The following IQCH variants were observed in gnomAD, a reference collection of about 807,000 sequenced individuals.
The protein encoded by IQCH is IQ motif containing H.
A neutral mutation model predicts 117.0 loss-of-function variants in IQCH; 98 were observed. That is an observed-to-expected ratio of 0.84 (90% CI 0.71 to 0.99). IQCH has a LOEUF of 0.99. IQCH is among the 50% of genes least tolerant of loss of function. The pLI is 0.00. For synonymous variants in IQCH, 412 were observed against 448.2 expected, an observed-to-expected ratio of 0.92 and a Z score of 1.02; for missense variants, 1,102 against 1,243.8, an observed-to-expected ratio of 0.89 and a Z score of 1.72.
intron 7 of IQCH, among the ~76,000 whole-genome samples, chr15:67,358,320 G>A (rs1969997248): frequency 6.9e-6 from 1 of 144,344 alleles, no homozygotes; most frequent in Non-Finnish European, 1.5e-5. Flanking sequence ...TTAGCCTCCC[G>A]AGTAGCTGAG....
At position 67,372,597 on chromosome 15, in the gene IQCH, C is replaced by T. The variant is rs754933628; in HGVS notation, c.1240C>T (p.Arg414Ter). 6 of 1,613,794 alleles carry T rather than the reference C, an allele frequency of 3.7e-6. No individual in the cohort carries two copies. Among genetic ancestry groups the T allele is most frequent in the Admixed American group, 1.7e-5 (1 of 59,972 alleles). Reference protein sequence around the residue: ...IAWLLYCHKTRLKKILKESRQ... With the variant: ...IAWLLYCHKT ...TTGGCTGTTATATTGCCATAAGACT[C>T]GACTAAAGAAGATACTAAAGGAATC... Residue 414 changes from arginine (R) to a stop codon, truncating the protein, a stop_gained, in exon 9 of 21, where the codon CGA (arginine) becomes TGA (stop). Coordinates refer to ENST00000335894, the MANE Select transcript of IQCH (RefSeq NM_001031715.3). LOFTEE classifies it high-confidence loss of function.
chr15:67,268,109 CTT>C (rs989899270), intron 3 of IQCH, among the ~76,000 whole-genome samples: 9 of 152,184 alleles, frequency 5.9e-5, no homozygotes, highest in African/African-American at 2.2e-4. Flanking sequence ...ACCTAGCACT[CTT>C]TTGCTCCATA....
chr15:67,279,250 A>G (rs530728195), intron 3 of IQCH, 145 bp from the exon 4 acceptor site: 3 of 564,512 alleles, frequency 5.3e-6, no homozygotes, highest in African/African-American at 3.9e-5. Flanking sequence ...CAAAAATAAT[A>G]AAGATTGGTT....
rs531822201 is a variant in IQCH at position 67,433,018 on chromosome 15, G to T, written c.2505+11441G>T. Reference sequence around the variant, plus strand: ...TTATTTATATGGAAGAAGGCTAACAGAGTATATCTAAATTAAAATGTAATA... The same window carrying T: ...TTATTTATATGGAAGAAGGCTAACATAGTATATCTAAATTAAAATGTAATA... On this transcript the variant is annotated intron_variant, in intron 16 of 20. Coordinates refer to ENST00000335894, the MANE Select transcript of IQCH (RefSeq NM_001031715.3). This position sits in a 1 kb window ranked among gnomAD's most constrained non-coding sequence, Gnocchi z 5.4. 8.2e-4 allele frequency among the ~76,000 whole-genome samples: 125 copies of T among 152,276 alleles called. No homozygotes were observed. Among genetic ancestry groups the T allele is most frequent in the Non-Finnish European group, 5.0e-4 (34 of 68,026 alleles).
rs1216477278 is a variant in IQCH, at chr15:67,405,964, G to C, written c.2097+5659G>C. The C allele has an allele frequency of 6.6e-6, 1 of 152,222 alleles. No individual in the cohort carries two copies. Among genetic ancestry groups the C allele is most frequent in the Non-Finnish European group, 1.5e-5 (1 of 68,064 alleles). 9.4% of individuals were successfully genotyped at this position (152,222 alleles called of 1,614,324 possible). A position where few individuals can be genotyped will look rare whatever the true frequency, so the allele number is the denominator to read the frequency against. On this transcript the variant is annotated intron_variant, in intron 14 of 20. Coordinates refer to ENST00000335894, the MANE Select transcript of IQCH (RefSeq NM_001031715.3). This position sits in a 1 kb window ranked among gnomAD's most constrained non-coding sequence, Gnocchi z 4.8. ...GGGCCATCAATACACACACCTCAGA[G>C]CTGGAGAGGAGGAGCCCTGCCTAGG...
At chr15:67,444,655 G>A (rs1345888931) in intron 16 of IQCH, among the ~76,000 whole-genome samples, 2 of 151,982 alleles carry the variant, frequency 1.3e-5, no homozygotes, top group African/African-American at 4.8e-5. Flanking sequence ...ATCTATTATG[G>A]GTTTTATCTT....
intron 4 of IQCH, among the ~76,000 whole-genome samples, chr15:67,319,159 G>A (rs562299733): frequency 2.1e-4 from 32 of 152,228 alleles, no homozygotes; most frequent in Admixed American, 4.6e-4. Context: ...TCCGGGAGGC[G>A]GAGCTTGCAG....
At chr15:67,345,039 G>C (rs1596226051) in intron 6 of IQCH, among the ~76,000 whole-genome samples, 1 of 152,108 alleles carries the variant, frequency 6.6e-6, no homozygotes, top group African/African-American at 2.4e-5. Flanking sequence ...GCCCAGACTA[G>C]AGTGCAATGG....
In IQCH at chr15:67,476,769, C is replaced by T. The variant is rs1300780236; in HGVS notation, c.2799+951C>T. ...TACTTTGATTCAGATTTTCAAGTCT[C>T]TCACACGCAGGGCCATTCTAAGACC... is the stretch of plus-strand genomic sequence containing the variant. On this transcript the variant is annotated intron_variant, in intron 18 of 20. Coordinates refer to ENST00000335894, the MANE Select transcript of IQCH (RefSeq NM_001031715.3). The surrounding 1 kb of genome is among the most constrained non-coding windows in gnomAD (Gnocchi z 4.1). Among the ~76,000 whole-genome samples the T allele has an allele frequency of 1.3e-5, 2 of 152,128 alleles. No homozygotes were observed. The highest frequency in any genetic ancestry group is 2.4e-5 in the African/African-American group (1 of 41,420).
At chr15:67,487,276 T>C (rs545077464) in intron 18 of IQCH, among the ~76,000 whole-genome samples, 124 of 152,260 alleles carry the variant, frequency 8.1e-4, no homozygotes, top group Non-Finnish European at 5.0e-4. Context: ...GAGGTTGCAG[T>C]GAGCCAAGAT....
intron 6 of IQCH, among the ~76,000 whole-genome samples, chr15:67,353,736 C>T (rs1334867976): frequency 1.3e-5 from 2 of 151,842 alleles, no homozygotes; most frequent in Non-Finnish European, 2.9e-5. Context: ...AGAAGGCACA[C>T]GTAAACACTA....
rs142457732 is a variant in IQCH, at chr15:67,361,031, A to T, written c.753+1146A>T. 1.9e-3 allele frequency among the ~76,000 whole-genome samples: 284 copies of T among 152,372 alleles called. 4 individuals carry two copies. The highest frequency in any genetic ancestry group is 6.7e-3 in the African/African-American group (277 of 41,588). The stretch of plus-strand genomic sequence containing the variant: ...TGTTGACTGAGCATGTCCTGCATGC[A>T]TGGCACTAAGCATCTTTCGTACCCA... On this transcript the variant is annotated intron_variant, in intron 8 of 20. Transcript: ENST00000335894.
rs2081606314 is a variant in IQCH at position 67,417,505 on chromosome 15, C to T, written c.2218+454C>T. Among the ~76,000 whole-genome samples the T allele has an allele frequency of 6.6e-6, 1 of 152,200 alleles. No homozygotes were observed. Among genetic ancestry groups the T allele is most frequent in the African/African-American group, 2.4e-5 (1 of 41,460 alleles). ...AATCATCTTTAATAAGTGTTAGTTT[C>T]TCCTTCTGTTTTCTAGGAGAGCAAA... On this transcript the variant is annotated intron_variant, in intron 15 of 20. Coordinates refer to ENST00000335894, the MANE Select transcript of IQCH (RefSeq NM_001031715.3). This position sits in a 1 kb window ranked among gnomAD's most constrained non-coding sequence, Gnocchi z 4.3.
At chr15:67,295,148 T>A (rs1376580904) in intron 4 of IQCH, among the ~76,000 whole-genome samples, 1 of 152,166 alleles carries the variant, frequency 6.6e-6, no homozygotes, top group Admixed American at 6.5e-5. Flanking sequence ...TACTTTCAGC[T>A]GATGATCTCT....
intron 4 of IQCH, among the ~76,000 whole-genome samples, chr15:67,292,221 A>G (rs1338229521): frequency 6.6e-6 from 1 of 152,144 alleles, no homozygotes; most frequent in Admixed American, 6.6e-5. Context: ...CCAGAACTGT[A>G]AGAAATAAAT....
chr15:67,310,430 T>C lies in IQCH; in HGVS notation c.388-26545T>C, dbSNP rs558400112. Among the ~76,000 whole-genome samples the C allele has an allele frequency of 2.0e-5, 3 of 151,974 alleles. No homozygotes were observed. The South Asian group carries it at 6.2e-4, about 31-fold the overall frequency. ...CTCATATACACTCCTGTAATAATCA[T>C]ACAAATAAATAAGCAAAGATTAAAT... On this transcript the variant is annotated intron_variant, in intron 4 of 20. Coordinates refer to ENST00000335894, the MANE Select transcript of IQCH (RefSeq NM_001031715.3).
chr15:67,297,759 C>T (rs1015877064), intron 4 of IQCH, among the ~76,000 whole-genome samples: 14 of 152,076 alleles, frequency 9.2e-5, no homozygotes, highest in Admixed American at 3.3e-4. Flanking sequence ...CAGTTTCCCT[C>T]GTTTAAAAAA....
intron 16 of IQCH, among the ~76,000 whole-genome samples, chr15:67,464,761 C>A (rs2082888551): frequency 6.6e-6 from 1 of 152,192 alleles, no homozygotes; most frequent in Non-Finnish European, 1.5e-5. Flanking sequence ...TAGTTCCCCA[C>A]CCTCCAAAGC....
intron 4 of IQCH, among the ~76,000 whole-genome samples, chr15:67,308,412 C>G (rs1967414073): frequency 6.6e-6 from 1 of 152,088 alleles, no homozygotes; most frequent in Non-Finnish European, 1.5e-5. Flanking sequence ...GCATCTTGGT[C>G]CCCCTCCCTT....
Sources: gnomAD v4.1 joint callset for allele counts (sites outside exome capture counted in the v4.1 genomes callset) on GRCh38, gnomAD v4.1.1 for gene constraint, Gnocchi (gnomAD v3.1) non-coding constraint, MANE v1.5 for transcripts, NCBI Gene and HGNC (gene_info 2026-07-23, HGNC 2026-07-21) for gene names.